Variants in LINGO2 observed in about 807,000 individuals in gnomAD.
LINGO2 encodes leucine-rich repeat and immunoglobulin-like domain-containing nogo receptor-interacting protein 2.
Under a neutral mutation model 30.6 loss-of-function variants are expected in LINGO2, and 14 were observed. The ratio of observed to expected loss-of-function variants is 0.46; its 90% CI spans 0.30 to 0.72. LINGO2 has a LOEUF of 0.72. LINGO2 is among the 30% of genes least tolerant of loss of function. The pLI, the probability that LINGO2 is intolerant of heterozygous loss-of-function variation, is 0.07. For synonymous variants in LINGO2, 317 were observed against 288.5 expected (o/e 1.10, Z -1.00); for missense variants, 729 against 751.7 (o/e 0.97, Z 0.35).
chr9:28,655,551 G>A (rs1374863643), intron 1 of LINGO2, among the ~76,000 whole-genome samples: 1 of 151,888 alleles, frequency 6.6e-6, no homozygotes, highest in East Asian at 1.9e-4. Context: ...AGAATAATAT[G>A]GTTAGATTTT....
Position 28,599,710 on chromosome 9 carries a change from C to T in LINGO2, c.-365+70490G>A, listed in dbSNP as rs147531051. Among the ~76,000 whole-genome samples, 388 of 152,156 alleles carry T rather than the reference C, an allele frequency of 2.6e-3. 4 individuals carry two copies. Among genetic ancestry groups the T allele is most frequent in the African/African-American group, 8.9e-3 (371 of 41,512 alleles). On this transcript the variant is annotated intron_variant, in intron 1 of 5. Transcript: ENST00000379992. ...AATAGATGGATTTGTTTATTGTTTA[C>T]CCAATTATTAGTCTAAAAAGCACTT...
intron 1 of LINGO2, among the ~76,000 whole-genome samples, chr9:28,569,113 A>G (rs1199571408): frequency 6.6e-6 from 1 of 152,052 alleles, no homozygotes; most frequent in Non-Finnish European, 1.5e-5. Context: ...TAGAATGGCT[A>G]TTATCAGAAA....
intron 1 of LINGO2, among the ~76,000 whole-genome samples, chr9:28,636,087 T>C (rs1827255182): frequency 6.6e-6 from 1 of 152,142 alleles, no homozygotes; most frequent in African/African-American, 2.4e-5. Context: ...TGGTTTTCTG[T>C]CCTCGTGATG....
exon 6 of LINGO2, chr9:27,948,804 C>T: frequency 6.4e-7 from 1 of 1,558,996 alleles, no homozygotes; most frequent in Non-Finnish European, 8.7e-7. Flanking sequence ...TACTGTCTTA[C>T]TGATTACCCA....
chr9:28,725,360 A>C, the LINGO2 span, among the ~76,000 whole-genome samples: 19 of 152,094 alleles, frequency 1.2e-4, no homozygotes, highest in Middle Eastern at 3.4e-3. Flanking sequence ...CATTGAGTAA[A>C]CTATGCTGAA....
At chr9:28,374,206 TTA>T (rs60631842) in intron 2 of LINGO2, among the ~76,000 whole-genome samples, 8 of 109,896 alleles carry the variant, frequency 7.3e-5, no homozygotes, top group Admixed American at 3.8e-4. Flanking sequence ...AAATATGTTT[TTA>T]TTTATATATA....
the LINGO2 span, among the ~76,000 whole-genome samples, chr9:28,940,624 T>C: frequency 1.3e-5 from 2 of 152,156 alleles, no homozygotes; most frequent in Non-Finnish European, 2.9e-5. Flanking sequence ...CAGTGGCTAA[T>C]AAAAATCAGT....
exon 6 of LINGO2, chr9:27,948,981 A>G (rs1329957019): frequency 1.2e-6 from 2 of 1,614,106 alleles, no homozygotes; most frequent in Non-Finnish European, 1.7e-6. Flanking sequence ...GCTCCACACA[A>G]AAAGGAGAAG....
intron 3 of LINGO2, among the ~76,000 whole-genome samples, chr9:28,299,980 T>TG (rs1324225941): frequency 6.6e-6 from 1 of 152,178 alleles, no homozygotes; most frequent in Non-Finnish European, 1.5e-5. Context: ...TGATTTTTTT[T>TG]GTAAATGGTG....
the LINGO2 span, among the ~76,000 whole-genome samples, chr9:29,155,336 G>A: frequency 6.6e-6 from 1 of 151,856 alleles, no homozygotes; most frequent in Non-Finnish European, 1.5e-5. Context: ...TTTAAAGTAG[G>A]GGTGTTTGTC....
chr9:28,512,580 G>A (rs561217630), intron 1 of LINGO2, among the ~76,000 whole-genome samples: 4 of 87,144 alleles, frequency 4.6e-5, no homozygotes, highest in South Asian at 4.1e-4. Flanking sequence ...GAACTAACAG[G>A]ATATATATGT....
At chr9:29,024,655 T>A in the LINGO2 span, among the ~76,000 whole-genome samples, 2 of 152,028 alleles carry the variant, frequency 1.3e-5, no homozygotes, top group African/African-American at 4.8e-5. Flanking sequence ...CAGATTAGAG[T>A]AGGAGGGAAA....
chr9:28,301,262 T>C (rs1824130249), intron 3 of LINGO2, among the ~76,000 whole-genome samples: 1 of 152,118 alleles, frequency 6.6e-6, no homozygotes, highest in Non-Finnish European at 1.5e-5. Flanking sequence ...GGCCACCAGT[T>C]TGAGATCCTC....
intron 5 of LINGO2, among the ~76,000 whole-genome samples, chr9:28,009,355 TA>T (rs72535340): frequency 2.5e-4 from 37 of 145,100 alleles, no homozygotes; most frequent in South Asian, 1.7e-3. Context: ...GCACAAGTGA[TA>T]AAAAAAAAAA....
At position 28,207,289 on chromosome 9, in the gene LINGO2, G is replaced by A. The variant is rs182473641; in HGVS notation, c.-87+87919C>T. ...CCCACTGTAAACATAGTCAATTGAA[G>A]TAATCACAGCTTGTTAAGAAGATTA... On this transcript the variant is annotated intron_variant, in intron 4 of 5. Transcript: ENST00000379992. 1.8e-3 allele frequency among the ~76,000 whole-genome samples: 272 copies of A among 152,154 alleles called. 1 individual carries two copies. The highest frequency in any genetic ancestry group is 2.9e-3 in the Non-Finnish European group (198 of 67,956).
chr9:29,188,713 C>CA, the LINGO2 span, among the ~76,000 whole-genome samples: 1 of 135,454 alleles, frequency 7.4e-6, no homozygotes, highest in Admixed American at 7.5e-5. Context: ...CTGACCCCCC[C>CA]ACCTCCCTCT....
intron 5 of LINGO2, among the ~76,000 whole-genome samples, chr9:27,983,575 A>AC (rs1820985080): frequency 6.6e-6 from 1 of 151,874 alleles, no homozygotes; most frequent in African/African-American, 2.4e-5. Flanking sequence ...TAACTGTGTG[A>AC]CCTTACATCA....
At chr9:28,958,443 C>T in the LINGO2 span, among the ~76,000 whole-genome samples, 1 of 152,054 alleles carries the variant, frequency 6.6e-6, no homozygotes, top group Non-Finnish European at 1.5e-5. Flanking sequence ...GAAATGGCAG[C>T]AGAGGTAGTC....
chr9:28,839,373 C>G, the LINGO2 span, among the ~76,000 whole-genome samples: 1 of 152,084 alleles, frequency 6.6e-6, no homozygotes, highest in Non-Finnish European at 1.5e-5. Context: ...AAGTGGGAAG[C>G]TCCTTTCCAC....
Sources: gnomAD v4.1 joint callset for allele counts (sites outside exome capture counted in the v4.1 genomes callset) on GRCh38, gnomAD v4.1.1 for gene constraint, MANE v1.5 for transcripts, NCBI Gene and HGNC (gene_info 2026-07-23, HGNC 2026-07-21) for gene names.